Variants in ABLIM2 observed in about 807,000 individuals in gnomAD.
ABLIM2 encodes the protein actin binding LIM protein family member 2.
A neutral mutation model predicts 97.7 loss-of-function variants in ABLIM2; 53 were observed. The ratio of observed to expected loss-of-function variants is 0.54; its 90% CI spans 0.44 to 0.68. The LOEUF (loss-of-function observed/expected upper bound fraction) is 0.68. ABLIM2 is among the 30% of genes least tolerant of loss of function. The pLI, the probability that ABLIM2 is intolerant of heterozygous loss-of-function variation, is 0.00. For synonymous variants in ABLIM2, 361 were observed against 345.8 expected, an observed-to-expected ratio of 1.04 and a Z score of -0.49; for missense variants, 835 against 867.2, an observed-to-expected ratio of 0.96 and a Z score of 0.47.
chr4:8,015,346 C>T lies in ABLIM2; in HGVS notation c.1423+4272G>A, dbSNP rs1281828716. ...CAAAATGCGTCGGCCATGAGGAACCCTCTAGGGAGAGGCTGAGTTCCTACT... is the reference window on the plus strand; with the variant it reads ...CAAAATGCGTCGGCCATGAGGAACCTTCTAGGGAGAGGCTGAGTTCCTACT... On this transcript the variant is annotated intron_variant, in intron 14 of 20. Coordinates refer to ENST00000447017, the MANE Select transcript of ABLIM2 (RefSeq NM_001130083.2). The surrounding 1 kb of genome is among the most constrained non-coding windows in gnomAD (Gnocchi z 4.6). Among the ~76,000 whole-genome samples, 1 of 152,034 alleles carries T rather than the reference C, an allele frequency of 6.6e-6. No individual in the cohort carries two copies. The highest frequency in any genetic ancestry group is 1.5e-5 in the Non-Finnish European group (1 of 67,992).
At chr4:8,024,417 T>G (rs1775991164) in intron 12 of ABLIM2, among the ~76,000 whole-genome samples, 1 of 150,660 alleles carries the variant, frequency 6.6e-6, no homozygotes, top group Admixed American at 6.6e-5. Flanking sequence ...CGGTGGGGGG[T>G]GGGGCCAGGC....
In ABLIM2 at chr4:8,087,675, ACATTAGATGGGAAAGCAGCAGTGGG is replaced by A. The variant is rs1561291564; in HGVS notation, c.454+469_454+493del. Among the ~76,000 whole-genome samples, 28 of 151,998 alleles carry A rather than the reference ACATTAGATGGGAAAGCAGCAGTGGG, an allele frequency of 1.8e-4. No homozygotes were observed. The highest frequency in any genetic ancestry group is 5.2e-4 in the Admixed American group (8 of 15,250). ...TAGAGCTGGGCAAAAGCAGCAGTGGACATTAGATGGGAAAGCAGCAGTGGGCATTAGATGGGAAAGCAGCAGTGGA... is the reference window on the plus strand; with the variant it reads ...TAGAGCTGGGCAAAAGCAGCAGTGGACATTAGATGGGAAAGCAGCAGTGGA... On this transcript the variant is annotated intron_variant, in intron 4 of 20. Coordinates refer to ENST00000447017, the MANE Select transcript of ABLIM2 (RefSeq NM_001130083.2). This position sits in a 1 kb window ranked among gnomAD's most constrained non-coding sequence, Gnocchi z 4.6.
rs770257997 is a variant in ABLIM2, at chr4:8,005,371, C to T, written c.1618+2688G>A. On this transcript the variant is annotated intron_variant, in intron 16 of 20. Coordinates refer to ENST00000447017, the MANE Select transcript of ABLIM2 (RefSeq NM_001130083.2). The surrounding 1 kb of genome is among the most constrained non-coding windows in gnomAD (Gnocchi z 4.9). ...CAATTCAACAGACATTTATTGAGTG[C>T]CCACTGTGTTGGGTGTCACAATCCT... is the stretch of plus-strand genomic sequence containing the variant. The T allele has an allele frequency of 1.4e-4, 75 of 533,568 alleles. No homozygotes were observed. In the Admixed American group the frequency reaches 1.4e-3, roughly 10 times the overall value. 33.1% of individuals were successfully genotyped at this position (533,568 alleles called of 1,614,324 possible).
At chr4:7,993,931 C>T (rs781237363) in intron 16 of ABLIM2, 11 of 514,344 alleles carry the variant, frequency 2.1e-5, no homozygotes, top group East Asian at 5.5e-5. Context: ...TTGAGACCTC[C>T]GAAGTAACCT....
At chr4:8,091,839 A>ATT (rs1387368765) in intron 3 of ABLIM2, among the ~76,000 whole-genome samples, 3 of 90,400 alleles carry the variant, frequency 3.3e-5, no homozygotes, top group East Asian at 2.7e-4. Flanking sequence ...TAAATAATAT[A>ATT]ATATATTATT....
chr4:8,055,248 C>T (rs966647138), intron 7 of ABLIM2, among the ~76,000 whole-genome samples: 3 of 152,230 alleles, frequency 2.0e-5, no homozygotes, highest in Non-Finnish European at 2.9e-5. Context: ...CTCTGCCCAC[C>T]TTCCCATCCT....
chr4:7,981,610 G>C (rs187334990), intron 20 of ABLIM2, among the ~76,000 whole-genome samples: 173 of 152,294 alleles, frequency 1.1e-3, no homozygotes, highest in Middle Eastern at 3.4e-3. Flanking sequence ...CTCTGCTTAA[G>C]TCACTTTAGG....
At chr4:8,031,451 C>T (rs1780853281) in intron 10 of ABLIM2, among the ~76,000 whole-genome samples, 2 of 152,198 alleles carry the variant, frequency 1.3e-5, no homozygotes, top group African/African-American at 2.4e-5. Flanking sequence ...CAAAAGTCAC[C>T]GGTACATAGG....
intron 1 of ABLIM2, among the ~76,000 whole-genome samples, chr4:8,131,880 C>T (rs1291037974): frequency 6.7e-6 from 1 of 149,606 alleles, no homozygotes; most frequent in Non-Finnish European, 1.5e-5. Context: ...GCACAGCAGC[C>T]CGCATCCCCT....
chr4:8,097,203 G>A lies in ABLIM2; in HGVS notation c.234C>T (p.Leu78=), dbSNP rs754169809. The part of the protein sequence containing the change: ...EYICTLDYQR[L]YGTRCFSCDQ... ...CGCAGCTGAAGCAGCGGGTGCCGTA[G>A]AGCCTCTGGTAGTCCAGCGTGCAGA... Residue 78 remains leucine, a synonymous_variant, in exon 3 of 21, where the codon CTC becomes CTT. Coordinates refer to ENST00000447017, the MANE Select transcript of ABLIM2 (RefSeq NM_001130083.2). The A allele has an allele frequency of 5.0e-6, 8 of 1,593,378 alleles. No homozygotes were observed. The highest frequency in any genetic ancestry group is 6.8e-6 in the Non-Finnish European group (8 of 1,170,698).
At chr4:8,144,442 G>A (rs868863185) in intron 1 of ABLIM2, among the ~76,000 whole-genome samples, 20 of 152,112 alleles carry the variant, frequency 1.3e-4, no homozygotes, top group Admixed American at 2.0e-4. Context: ...GCGTGGAGGA[G>A]AATCACAAAT....
rs900351709 is a variant in ABLIM2, at chr4:7,970,421, T to A, written c.1825-3318A>T. On this transcript the variant is annotated intron_variant, in intron 20 of 20. Transcript: ENST00000447017. This position sits in a 1 kb window ranked among gnomAD's most constrained non-coding sequence, Gnocchi z 5.3. ...ACTTAAAGGGAGGAGGACTGGTGAG[T>A]GAGTGGTCTCTTGGGTTTAGCTGGC... is the stretch of plus-strand genomic sequence containing the variant. Among the ~76,000 whole-genome samples the A allele has an allele frequency of 6.6e-6, 1 of 151,828 alleles. No homozygotes were observed. The highest frequency in any genetic ancestry group is 1.5e-5 in the Non-Finnish European group (1 of 67,928).
chr4:8,064,646 A>G (rs1424333036), intron 6 of ABLIM2, among the ~76,000 whole-genome samples: 1 of 152,184 alleles, frequency 6.6e-6, no homozygotes, highest in Non-Finnish European at 1.5e-5. Flanking sequence ...AACGAACAAC[A>G]TGGAGGATGC....
At chr4:7,985,048 G>T (rs71603903) in intron 17 of ABLIM2, among the ~76,000 whole-genome samples, 155 bp from the exon 18 acceptor site, 14,528 of 152,290 alleles carry the variant, frequency 0.095, 870 homozygotes, top group Non-Finnish European at 0.14. Flanking sequence ...GTGACAGAAG[G>T]ACAGCAACAG....
At chr4:7,973,112 T>TGTGTGTGG (rs1729570150) in intron 20 of ABLIM2, among the ~76,000 whole-genome samples, 1 of 145,958 alleles carries the variant, frequency 6.9e-6, no homozygotes, top group Non-Finnish European at 1.5e-5. Flanking sequence ...TGTGTGTGTG[T>TGTGTGTGG]AGGGTGAGGG....
Position 8,085,555 on chromosome 4 carries a change from A to G in ABLIM2, c.454+2614T>C, listed in dbSNP as rs1577427228. ...CCACGCTGCAGCCCCGTCCACTCAC[A>G]TGGCTCTGGGGGTGCCCACGCTGCA... On this transcript the variant is annotated intron_variant, in intron 4 of 20. Coordinates refer to ENST00000447017, the MANE Select transcript of ABLIM2 (RefSeq NM_001130083.2). This position sits in a 1 kb window ranked among gnomAD's most constrained non-coding sequence, Gnocchi z 6.1. Among the ~76,000 whole-genome samples the G allele has an allele frequency of 1.6e-5, 2 of 128,650 alleles. No homozygotes were observed. Among genetic ancestry groups the G allele is most frequent in the African/African-American group, 3.1e-5 (1 of 32,734 alleles). 84.4% of individuals were successfully genotyped at this position (128,650 alleles called of 152,430 possible). A position where few individuals can be genotyped will look rare whatever the true frequency, so the allele number is the denominator to read the frequency against.
Position 8,089,732 on chromosome 4 carries a change from C to CAAAAAAAAAAAAAA in ABLIM2, c.339-1462_339-1449dup, listed in dbSNP as rs58396378. Among the ~76,000 whole-genome samples, 4 of 87,670 alleles carry CAAAAAAAAAAAAAA rather than the reference C, an allele frequency of 4.6e-5. 1 individual carries two copies. Among genetic ancestry groups the CAAAAAAAAAAAAAA allele is most frequent in the African/African-American group, 3.9e-5 (1 of 25,782 alleles). 57.5% of individuals were successfully genotyped at this position (87,670 alleles called of 152,430 possible). On this transcript the variant is annotated intron_variant, in intron 3 of 20. Coordinates refer to ENST00000447017, the MANE Select transcript of ABLIM2 (RefSeq NM_001130083.2). ...CTGGGCCAAAGAGTGAGATTCATATCAAAAAAAAAAAAAAAAAAAAAAAGC... is the reference window on the plus strand; with the variant it reads ...CTGGGCCAAAGAGTGAGATTCATATCAAAAAAAAAAAAAAAAAAAAAAAAAAAAAAAAAAAAAGC...
rs991804617 is a variant in ABLIM2, at chr4:7,966,282, C to T, written c.*708G>A. The stretch of plus-strand genomic sequence containing the variant: ...ATTAAACTCTATATATGTCATCTCG[C>T]GTTTAAGTAGGCTATACTTTTTAAT... On this transcript the variant is annotated 3_prime_UTR_variant, in exon 21 of 21. Transcript: ENST00000447017. 2.0e-5 allele frequency: 3 copies of T among 152,610 alleles called. No homozygotes were observed. The highest frequency in any genetic ancestry group is 2.9e-5 in the Non-Finnish European group (2 of 68,062). 9.5% of individuals were successfully genotyped at this position (152,610 alleles called of 1,614,324 possible). A position where few individuals can be genotyped will look rare whatever the true frequency, so the allele number is the denominator to read the frequency against.
chr4:8,069,475 C>T lies in ABLIM2; in HGVS notation c.675+8153G>A, dbSNP rs973814568. 3.9e-5 allele frequency among the ~76,000 whole-genome samples: 6 copies of T among 152,184 alleles called. No homozygotes were observed. In the East Asian group the frequency reaches 5.8e-4, roughly 15 times the overall value. On this transcript the variant is annotated intron_variant, in intron 6 of 20. Coordinates refer to ENST00000447017, the MANE Select transcript of ABLIM2 (RefSeq NM_001130083.2). This position sits in a 1 kb window ranked among gnomAD's most constrained non-coding sequence, Gnocchi z 4.2. ...CGCAAGGGAGGACACGACAGGCCAGCGTGGAAGGGTAGGACCAGGGGCTCT... is the reference window on the plus strand; with the variant it reads ...CGCAAGGGAGGACACGACAGGCCAGTGTGGAAGGGTAGGACCAGGGGCTCT...
Sources: allele counts gnomAD v4.1 joint callset (sites outside exome capture counted in the v4.1 genomes callset), GRCh38; gene constraint gnomAD v4.1.1; non-coding constraint Gnocchi (gnomAD v3.1); transcripts MANE v1.5; gene names NCBI Gene and HGNC (gene_info 2026-07-23, HGNC 2026-07-21).